RHOT1: variants seen among roughly 807,000 people sequenced by gnomAD.
The protein encoded by RHOT1 is ras homolog family member T1.
Under a neutral mutation model 95.3 loss-of-function variants are expected in RHOT1, and 27 were observed. The observed-to-expected ratio is 0.28, with a 90% CI of 0.21 to 0.39. RHOT1 has a LOEUF of 0.39. RHOT1 is among the 10% of genes least tolerant of loss of function. RHOT1 has a pLI of 1.00. For missense variants in RHOT1, 578 were observed against 786.7 expected, an observed-to-expected ratio of 0.73 and a Z score of 3.17; for synonymous variants, 227 against 263.5, an observed-to-expected ratio of 0.86 and a Z score of 1.34.
At chr17:32,207,278 T>C (rs1229400133) in intron 17 of RHOT1, 7 of 355,868 alleles carry the variant, frequency 2.0e-5, no homozygotes, top group Admixed American at 4.4e-5. Flanking sequence ...TTTACATTAA[T>C]GCAAGCTCTT....
chr17:32,187,107 CA>C (rs1021107700), intron 8 of RHOT1, among the ~76,000 whole-genome samples: 3 of 151,766 alleles, frequency 2.0e-5, no homozygotes, highest in Non-Finnish European at 4.4e-5. Flanking sequence ...GCCAACGTGG[CA>C]AAACCCTGTC....
rs1445331122 is a variant in RHOT1 at position 32,206,512 on chromosome 17, C to T, written c.1417-398C>T. ...TGTCGCCCAGGCTGGAGTGCAGTGG[C>T]GCAATCTCTGCTCACTGCGAGCTCC... is the stretch of plus-strand genomic sequence containing the variant. On this transcript the variant is annotated intron_variant, in intron 16 of 19. Transcript: ENST00000545287. Among the ~76,000 whole-genome samples, 3 of 127,134 alleles carry T rather than the reference C, an allele frequency of 2.4e-5. No individual in the cohort carries two copies. The East Asian group carries it at 7.0e-4, about 30-fold the overall frequency. The allele number at this position is 127,134 out of a possible 152,430, so 83.4% of individuals were successfully genotyped here.
intron 1 of RHOT1, among the ~76,000 whole-genome samples, chr17:32,163,531 G>A (rs1179156611): frequency 6.6e-6 from 1 of 152,038 alleles, no homozygotes; most frequent in East Asian, 1.9e-4. Flanking sequence ...AAGAGTTCGA[G>A]ACCAGCCTGG....
At chr17:32,172,176 G>A (rs1019077680) in intron 2 of RHOT1, among the ~76,000 whole-genome samples, 1 of 152,156 alleles carries the variant, frequency 6.6e-6, no homozygotes, top group Non-Finnish European at 1.5e-5. Context: ...TGTATCATGT[G>A]ATAGTGTTTT....
intron 6 of RHOT1, chr17:32,179,907 G>A (rs1319299844): frequency 1.3e-4 from 18 of 140,932 alleles, no homozygotes; most frequent in African/African-American, 5.3e-4. Flanking sequence ...ACCCCATCTG[G>A]GAAGTGAGGA....
At chr17:32,190,317 T>A (rs35438131) in intron 8 of RHOT1, among the ~76,000 whole-genome samples, 7,167 of 152,002 alleles carry the variant, frequency 0.047, 564 homozygotes, top group African/African-American at 0.16. Context: ...TAGCTGGGCA[T>A]GGTGGCAGGT....
chr17:32,147,552 G>A lies in RHOT1; in HGVS notation c.37+4823G>A, dbSNP rs112307509. On this transcript the variant is annotated intron_variant, in intron 1 of 19. Transcript: ENST00000545287. ...TTTAAAGATTAAACTGGCCGGGCGC[G>A]GTGGCTCACACCTGTAATCCCACAC... Among the ~76,000 whole-genome samples, 1,000 of 152,014 alleles carry A rather than the reference G, an allele frequency of 6.6e-3. 15 individuals are homozygous for A. Among genetic ancestry groups the A allele is most frequent in the African/African-American group, 0.022 (896 of 41,466 alleles).
At chr17:32,199,659 C>A in intron 13 of RHOT1, 109 bp downstream of exon 13, 1 of 873,892 alleles carries the variant, frequency 1.1e-6, no homozygotes, top group Non-Finnish European at 1.7e-6. Context: ...ATTCTTCAAT[C>A]ATAATTGCCT....
chr17:32,199,609 A>G (rs533848980), intron 13 of RHOT1, 59 bp downstream of exon 13: 10 of 1,404,846 alleles, frequency 7.1e-6, no homozygotes, highest in Admixed American at 2.6e-5. Flanking sequence ...ATTATGGTGT[A>G]TTACATTTGT....
chr17:32,157,580 G>T (rs1482977116), intron 1 of RHOT1, among the ~76,000 whole-genome samples: 7 of 152,126 alleles, frequency 4.6e-5, no homozygotes, highest in Non-Finnish European at 1.0e-4. Flanking sequence ...GTCGAGGCGG[G>T]TGCATCATGA....
chr17:32,194,744 C>G (rs549340013), intron 11 of RHOT1, among the ~76,000 whole-genome samples: 11 of 152,130 alleles, frequency 7.2e-5, no homozygotes, highest in Admixed American at 5.9e-4. Context: ...TTGTTCTTCT[C>G]CCTCAGTTTT....
intron 8 of RHOT1, among the ~76,000 whole-genome samples, chr17:32,186,216 T>C (rs968557165): frequency 6.6e-6 from 1 of 152,190 alleles, no homozygotes; most frequent in Non-Finnish European, 1.5e-5. Flanking sequence ...CTTTTTTGGT[T>C]TATTATAGCC....
intron 8 of RHOT1, among the ~76,000 whole-genome samples, chr17:32,184,875 C>T (rs903538007): frequency 3.3e-5 from 5 of 151,964 alleles, no homozygotes; most frequent in Admixed American, 2.6e-4. Flanking sequence ...TAGGCTATTA[C>T]GAATAGACTG....
At chr17:32,158,372 A>T (rs2033178829) in intron 1 of RHOT1, among the ~76,000 whole-genome samples, 1 of 152,090 alleles carries the variant, frequency 6.6e-6, no homozygotes, top group African/African-American at 2.4e-5. Context: ...GTCTGGGTGG[A>T]ACTAGTGCTC....
In RHOT1 at chr17:32,186,403, G is replaced by A. The variant is rs374571605; in HGVS notation, c.540+3131G>A. ...TTTTGAGACGGAGTCTTGCTCTGTCGCCCAGGCTGGAGTCCAGTGGCACAA... is the reference window on the plus strand; with the variant it reads ...TTTTGAGACGGAGTCTTGCTCTGTCACCCAGGCTGGAGTCCAGTGGCACAA... On this transcript the variant is annotated intron_variant, in intron 8 of 19. Coordinates refer to ENST00000545287, the MANE Select transcript of RHOT1 (RefSeq NM_001033566.3). Among the ~76,000 whole-genome samples the A allele has an allele frequency of 1.3e-4, 18 of 142,842 alleles. No individual in the cohort carries two copies. The East Asian group carries it at 1.4e-3, about 11-fold the overall frequency. 93.7% of individuals were successfully genotyped at this position (142,842 alleles called of 152,430 possible).
chr17:32,202,665 A>G, intron 14 of RHOT1, 105 bp from the exon 15 acceptor site: 1 of 757,162 alleles, frequency 1.3e-6, no homozygotes, highest in Non-Finnish European at 2.1e-6. Flanking sequence ...GCTACTTCAT[A>G]AAAATAATAA....
In RHOT1 at chr17:32,168,896, G is replaced by C. The variant is rs2034336618; in HGVS notation, c.38-2147G>C. Reference sequence around the variant, plus strand: ...AATTTTCTGGGGAGCTGAATAAACTGACATTGTTAACTAGATTCTAGCAGT... The same window carrying C: ...AATTTTCTGGGGAGCTGAATAAACTCACATTGTTAACTAGATTCTAGCAGT... On this transcript the variant is annotated intron_variant, in intron 1 of 19. Transcript: ENST00000545287. 2.0e-5 allele frequency among the ~76,000 whole-genome samples: 3 copies of C among 152,074 alleles called. No individual in the cohort carries two copies. In the South Asian group the frequency reaches 6.2e-4, roughly 32 times the overall value.
rs558080762 is a variant in RHOT1, at chr17:32,200,488, G to A, written c.1101-468G>A. 2.6e-5 allele frequency among the ~76,000 whole-genome samples: 4 copies of A among 152,188 alleles called. No individual in the cohort carries two copies. In the South Asian group the frequency reaches 6.2e-4, roughly 24 times the overall value. The stretch of plus-strand genomic sequence containing the variant: ...GAATGGCAGTGTAGGGCCAGGCAGC[G>A]TGGCTCATACCTATAATCCTAGCAC... On this transcript the variant is annotated intron_variant, in intron 13 of 19. Coordinates refer to ENST00000545287, the MANE Select transcript of RHOT1 (RefSeq NM_001033566.3).
chr17:32,175,906 GCTGT>G (rs1276778830), intron 4 of RHOT1, 52 bp from the exon 5 acceptor site: 20 of 1,183,064 alleles, frequency 1.7e-5, no homozygotes, highest in African/African-American at 3.1e-5. Flanking sequence ...CTAATTAAGT[GCTGT>G]CTATGTTTTT....
Sources: gnomAD v4.1 joint callset for allele counts (sites outside exome capture counted in the v4.1 genomes callset) on GRCh38, gnomAD v4.1.1 for gene constraint, MANE v1.5 for transcripts, NCBI Gene and HGNC (gene_info 2026-07-23, HGNC 2026-07-21) for gene names.